Variants in MAPKAP1 observed in about 807,000 individuals in gnomAD.
MAPKAP1 encodes MAPK associated protein 1.
Under a neutral mutation model 65.7 loss-of-function variants are expected in MAPKAP1, and 20 were observed. That is an observed-to-expected ratio of 0.30 (90% CI 0.21 to 0.44). The LOEUF (loss-of-function observed/expected upper bound fraction) is 0.44. Ranked by LOEUF, MAPKAP1 falls within the 20% of genes least tolerant of loss-of-function variation. MAPKAP1 has a pLI of 1.00. For missense variants in MAPKAP1, 423 were observed against 648.0 expected, an observed-to-expected ratio of 0.65 and a Z score of 3.77; for synonymous variants, 222 against 244.3, an observed-to-expected ratio of 0.91 and a Z score of 0.85.
At position 125,481,354 on chromosome 9, in the gene MAPKAP1, T is replaced by C. The variant is rs372211923; in HGVS notation, c.1207+3089A>G. 4.3e-3 allele frequency among the ~76,000 whole-genome samples: 647 copies of C among 152,210 alleles called. 6 individuals carry two copies. Among genetic ancestry groups the C allele is most frequent in the African/African-American group, 0.015 (608 of 41,480 alleles). ...ACACTGGGGAATGAGCGGGGATGGA[T>C]TTGCTGATGATGCTCACCTGGGCCC... On this transcript the variant is annotated intron_variant, in intron 9 of 11. Transcript: ENST00000265960.
intron 9 of MAPKAP1, chr9:125,471,013 C>A (rs907645398): frequency 6.6e-6 from 1 of 152,194 alleles, no homozygotes; most frequent in African/African-American, 2.4e-5. Context: ...AGAGGAGTCA[C>A]TATTTAAAGA....
chr9:125,464,425 G>T (rs1167799825), intron 10 of MAPKAP1, among the ~76,000 whole-genome samples: 1 of 152,014 alleles, frequency 6.6e-6, no homozygotes, highest in Non-Finnish European at 1.5e-5. Context: ...CTGACAGAGG[G>T]AATCACTCAT....
At chr9:125,589,157 T>C (rs570649050) in intron 4 of MAPKAP1, among the ~76,000 whole-genome samples, 3 of 152,308 alleles carry the variant, frequency 2.0e-5, no homozygotes, top group Admixed American at 2.0e-4. Flanking sequence ...AAGACCCTTA[T>C]GAGAATTATT....
At chr9:125,700,809 T>C (rs576272169) in intron 1 of MAPKAP1, among the ~76,000 whole-genome samples, 1 of 152,346 alleles carries the variant, frequency 6.6e-6, no homozygotes, top group African/African-American at 2.4e-5. Flanking sequence ...TTTCACCTTG[T>C]GAAAGCTGGG....
chr9:125,442,663 G>A (rs150213880), intron 11 of MAPKAP1, among the ~76,000 whole-genome samples: 1 of 152,088 alleles, frequency 6.6e-6, no homozygotes, highest in African/African-American at 2.4e-5. Flanking sequence ...GAAGCTCGCT[G>A]GCTGCAAGCA....
At chr9:125,562,992 T>C (rs1039192788) in intron 5 of MAPKAP1, among the ~76,000 whole-genome samples, 6 of 152,176 alleles carry the variant, frequency 3.9e-5, no homozygotes, top group Non-Finnish European at 2.9e-5. Context: ...CACACTTTGA[T>C]GAGAAGAAGG....
intron 10 of MAPKAP1, among the ~76,000 whole-genome samples, chr9:125,454,874 T>A (rs1447428375): frequency 1.3e-5 from 2 of 152,160 alleles, no homozygotes; most frequent in African/African-American, 4.8e-5. Flanking sequence ...GGGGCTAGGG[T>A]TATTCTTCCT....
At chr9:125,611,256 G>C (rs1832592846) in intron 4 of MAPKAP1, among the ~76,000 whole-genome samples, 2 of 152,120 alleles carry the variant, frequency 1.3e-5, no homozygotes, top group Non-Finnish European at 2.9e-5. Context: ...ATTTTTACAA[G>C]ATCAAAATCA....
At chr9:125,629,329 A>G (rs921374350) in intron 4 of MAPKAP1, among the ~76,000 whole-genome samples, 1 of 152,240 alleles carries the variant, frequency 6.6e-6, no homozygotes, top group African/African-American at 2.4e-5. Flanking sequence ...ATTATTCACA[A>G]TAGCCAAGAA....
At chr9:125,685,682 T>C (rs1834953597) in intron 1 of MAPKAP1, among the ~76,000 whole-genome samples, 1 of 152,240 alleles carries the variant, frequency 6.6e-6, no homozygotes, top group Non-Finnish European at 1.5e-5. Context: ...TCTGTTTACA[T>C]GTTGGTTTTC....
chr9:125,644,322 T>C (rs940221892), intron 4 of MAPKAP1, among the ~76,000 whole-genome samples: 2 of 152,148 alleles, frequency 1.3e-5, no homozygotes, highest in Non-Finnish European at 2.9e-5. Context: ...TTACAAACTG[T>C]AGGCAACTCA....
At chr9:125,639,976 T>C (rs1292791046) in intron 4 of MAPKAP1, among the ~76,000 whole-genome samples, 1 of 152,172 alleles carries the variant, frequency 6.6e-6, no homozygotes, top group African/African-American at 2.4e-5. Flanking sequence ...CAGTCAAAGA[T>C]TCCAGCCAGG....
chr9:125,554,934 T>G (rs929680877), intron 6 of MAPKAP1, among the ~76,000 whole-genome samples: 1 of 152,024 alleles, frequency 6.6e-6, no homozygotes, highest in Non-Finnish European at 1.5e-5. Flanking sequence ...TTTAAAAGGA[T>G]GTTAATCGTG....
At chr9:125,658,489 A>G (rs1834096889) in intron 3 of MAPKAP1, among the ~76,000 whole-genome samples, 1 of 152,192 alleles carries the variant, frequency 6.6e-6, no homozygotes, top group African/African-American at 2.4e-5. Context: ...AGATTTGTCA[A>G]TGTGGAAACA....
intron 5 of MAPKAP1, among the ~76,000 whole-genome samples, chr9:125,569,258 A>T (rs1321793971): frequency 1.3e-5 from 2 of 152,236 alleles, no homozygotes; most frequent in Admixed American, 1.3e-4. Flanking sequence ...AGCTCTAAAA[A>T]TCATATTAAA....
intron 4 of MAPKAP1, among the ~76,000 whole-genome samples, chr9:125,606,945 G>A (rs534214): frequency 0.5 from 75,269 of 152,002 alleles, 19,258 homozygotes; most frequent in East Asian, 0.67. Context: ...CTTTGGATTG[G>A]AGAGACCTAG....
chr9:125,531,989 T>A (rs1346997864), intron 7 of MAPKAP1, among the ~76,000 whole-genome samples: 3 of 152,202 alleles, frequency 2.0e-5, no homozygotes, highest in Admixed American at 6.5e-5. Context: ...CACTTGGCAA[T>A]TGCAGCTCCC....
Position 125,484,525 on chromosome 9 carries a change from C to A in MAPKAP1, c.1125G>T (p.Gln375His), listed in dbSNP as rs1170354689. Residue 375 changes from glutamine (Q) to histidine (H), a missense_variant, in exon 9 of 12, where the codon CAG becomes CAT. Transcript: ENST00000265960. The part of the protein sequence containing the change: ...EDSQIDIATV[Q>H]DMLSSHHYKS... ...TGTAATGGTGGCTGCTAAGCATATC[C>A]TGTACTGTGGCTATGTCAATTTGCG... is the stretch of plus-strand genomic sequence containing the variant. 6.2e-7 allele frequency: 1 copy of A among 1,612,930 alleles called. No individual in the cohort carries two copies. Among genetic ancestry groups the A allele is most frequent in the East Asian group, 2.2e-5 (1 of 44,858 alleles).
At chr9:125,699,887 T>TTAAA in intron 1 of MAPKAP1, among the ~76,000 whole-genome samples, 1 of 152,310 alleles carries the variant, frequency 6.6e-6, no homozygotes, top group Non-Finnish European at 1.5e-5. Context: ...AGTGCTGGGA[T>TTAAA]TAAAGGTGTG....
Sources: allele counts gnomAD v4.1 joint callset (sites outside exome capture counted in the v4.1 genomes callset), GRCh38; gene constraint gnomAD v4.1.1; transcripts MANE v1.5; gene names NCBI Gene and HGNC (gene_info 2026-07-23, HGNC 2026-07-21).